The following GALNT13 variants were observed in gnomAD, a reference collection of about 807,000 sequenced individuals.
GALNT13 encodes the protein UDP-GalNAc:polypeptide N-acetylgalactosaminyltransferase 13.
A neutral mutation model predicts 64.2 loss-of-function variants in GALNT13; 28 were observed. The observed-to-expected ratio is 0.44, with a 90% CI of 0.32 to 0.60. The LOEUF is 0.60. GALNT13 is among the 20% of genes least tolerant of loss of function. GALNT13 has a pLI of 0.05. For missense variants in GALNT13, 577 were observed against 669.8 expected (o/e 0.86, Z 1.53); for synonymous variants, 214 against 224.6 (o/e 0.95, Z 0.42).
intron 3 of GALNT13, among the ~76,000 whole-genome samples, chr2:154,043,455 T>TACATACAC (rs1553470481): frequency 0.013 from 1,320 of 104,954 alleles, 42 homozygotes; most frequent in South Asian, 0.027. Flanking sequence ...TATATATATA[T>TACATACAC]ACACACATGT....
At chr2:154,439,959 T>C (rs865929069) in intron 12 of GALNT13, among the ~76,000 whole-genome samples, 14 of 152,128 alleles carry the variant, frequency 9.2e-5, no homozygotes, top group African/African-American at 3.1e-4. Flanking sequence ...TTTTTTCTCT[T>C]CAACTATTAT....
the GALNT13 span, among the ~76,000 whole-genome samples, chr2:153,780,152 C>G: frequency 6.7e-6 from 1 of 149,916 alleles, no homozygotes; most frequent in Admixed American, 6.7e-5. Flanking sequence ...TGGTTCCATA[C>G]AGCTTTTATC....
At chr2:153,540,425 A>G in the GALNT13 span, among the ~76,000 whole-genome samples, 15 of 152,212 alleles carry the variant, frequency 9.9e-5, no homozygotes, top group Non-Finnish European at 2.1e-4. Context: ...AACCTCTACT[A>G]GGGCAATGAA....
chr2:153,819,173 C>T, the GALNT13 span, among the ~76,000 whole-genome samples: 1 of 152,086 alleles, frequency 6.6e-6, no homozygotes, highest in Non-Finnish European at 1.5e-5. Flanking sequence ...AAGGTGGAGC[C>T]CCTCTTTAAA....
chr2:153,447,089 T>C, the GALNT13 span, among the ~76,000 whole-genome samples: 3 of 152,224 alleles, frequency 2.0e-5, no homozygotes, highest in Admixed American at 6.5e-5. Context: ...TGTTTCCTGA[T>C]TTTTATTTCA....
chr2:153,327,254 A>G, the GALNT13 span, among the ~76,000 whole-genome samples: 1 of 152,004 alleles, frequency 6.6e-6, no homozygotes, highest in Non-Finnish European at 1.5e-5. Flanking sequence ...CATTTCAGCC[A>G]TGGTGAATCT....
chr2:153,345,642 T>TTC, the GALNT13 span, among the ~76,000 whole-genome samples: 1 of 99,818 alleles, frequency 1.0e-5, no homozygotes, highest in Non-Finnish European at 2.0e-5. Context: ...TCTTTTTCTT[T>TTC]CTTTCTTTCT....
At chr2:153,699,695 C>G in the GALNT13 span, among the ~76,000 whole-genome samples, 1 of 152,150 alleles carries the variant, frequency 6.6e-6, no homozygotes, top group Non-Finnish European at 1.5e-5. Context: ...AAACTAACAT[C>G]AGAGAATGCT....
the GALNT13 span, among the ~76,000 whole-genome samples, chr2:153,606,053 T>C: frequency 6.6e-6 from 1 of 152,090 alleles, no homozygotes; most frequent in Non-Finnish European, 1.5e-5. Context: ...CTCTTTAGTA[T>C]ATCTACCTAT....
chr2:153,899,863 G>A (rs1041330310), intron 1 of GALNT13, among the ~76,000 whole-genome samples: 1 of 150,416 alleles, frequency 6.6e-6, no homozygotes, highest in Non-Finnish European at 1.5e-5. Context: ...ATTGTTCATA[G>A]TCTGTCTGAT....
At chr2:153,424,128 A>C in the GALNT13 span, among the ~76,000 whole-genome samples, 1 of 150,422 alleles carries the variant, frequency 6.6e-6, no homozygotes, top group African/African-American at 2.4e-5. Context: ...CCACATATAC[A>C]TGGCTTGATC....
the GALNT13 span, among the ~76,000 whole-genome samples, chr2:153,645,123 T>C: frequency 6.6e-6 from 1 of 152,042 alleles, no homozygotes; most frequent in Non-Finnish European, 1.5e-5. Flanking sequence ...CTGCAAAGAG[T>C]TAGAGGCAAG....
chr2:153,304,868 C>T, the GALNT13 span, among the ~76,000 whole-genome samples: 1 of 151,994 alleles, frequency 6.6e-6, no homozygotes, highest in Non-Finnish European at 1.5e-5. Context: ...TAATAAAAAA[C>T]ATTTGCGGAG....
At chr2:153,952,899 C>T (rs1001036297) in intron 3 of GALNT13, among the ~76,000 whole-genome samples, 2 of 152,174 alleles carry the variant, frequency 1.3e-5, no homozygotes, top group African/African-American at 4.8e-5. Flanking sequence ...TGTTCGAGGG[C>T]AGGGAGCATC....
the GALNT13 span, among the ~76,000 whole-genome samples, chr2:153,130,913 G>A: frequency 4.6e-5 from 7 of 152,244 alleles, no homozygotes; most frequent in African/African-American, 1.7e-4. Flanking sequence ...AACTACTGTC[G>A]AGAGGAATTG....
At chr2:153,224,712 C>T in the GALNT13 span, among the ~76,000 whole-genome samples, 1 of 152,136 alleles carries the variant, frequency 6.6e-6, no homozygotes, top group African/African-American at 2.4e-5. Flanking sequence ...TAAAAGGATA[C>T]TATGAAAACT....
chr2:153,424,916 CAA>C, the GALNT13 span, among the ~76,000 whole-genome samples: 1 of 151,628 alleles, frequency 6.6e-6, no homozygotes, highest in Non-Finnish European at 1.5e-5. Flanking sequence ...AAATATCAGA[CAA>C]AAGTGAAAAA....
At chr2:153,255,187 C>T in the GALNT13 span, among the ~76,000 whole-genome samples, 3 of 148,952 alleles carry the variant, frequency 2.0e-5, no homozygotes, top group Admixed American at 1.3e-4. Context: ...GGATAGTTAG[C>T]TCTTCTTGTT....
chr2:154,013,055 G>A (rs1282912699), intron 3 of GALNT13, among the ~76,000 whole-genome samples: 8 of 148,516 alleles, frequency 5.4e-5, no homozygotes, highest in Admixed American at 3.4e-4. Flanking sequence ...TTCTATGTCT[G>A]TCATTTCAGC....
Sources: gnomAD v4.1 joint callset for allele counts (sites outside exome capture counted in the v4.1 genomes callset) on GRCh38, gnomAD v4.1.1 for gene constraint, MANE v1.5 for transcripts, NCBI Gene and HGNC (gene_info 2026-07-23, HGNC 2026-07-21) for gene names.